The following SORCS2 variants were observed in gnomAD, a reference collection of about 807,000 sequenced individuals.
SORCS2 encodes the protein VPS10 domain-containing receptor SorCS2.
SORCS2 carries 100 observed loss-of-function variants against 141.6 expected under a neutral mutation model. The ratio of observed to expected loss-of-function variants is 0.71; its 90% confidence interval spans 0.60 to 0.83. The LOEUF (loss-of-function observed/expected upper bound fraction) is 0.83, where lower values mean the gene tolerates loss of function less well. SORCS2 is among the 40% of genes least tolerant of loss of function. The pLI, the probability that SORCS2 is intolerant of heterozygous loss-of-function variation, is 0.00. For synonymous variants in SORCS2, 789 were observed against 676.9 expected, an observed-to-expected ratio of 1.17 and a Z score of -2.57; for missense variants, 1,646 against 1,560.2, an observed-to-expected ratio of 1.05 and a Z score of -0.93.
rs1402661211 is a variant in SORCS2, at chr4:7,714,371, G to A, written c.2121G>A (p.Leu707=). ...RVCECRDSDF[L]CDYGFERSSS... ...GCGAGTGCCGGGACTCGGACTTCCT[G>A]TGGTGAGCGACGGGCTCCTGGCCAC... Residue 707 remains leucine (L), a splice_region_variant and synonymous_variant, in exon 16 of 27, where the codon CTG becomes CTA. Transcript: ENST00000507866. 21 of 1,551,998 alleles carry A rather than the reference G, an allele frequency of 1.4e-5. No individual in the cohort carries two copies. Among genetic ancestry groups the A allele is most frequent in the East Asian group, 2.4e-5 (1 of 40,980 alleles).
chr4:7,208,745 G>A (rs1727889098), intron 1 of SORCS2, among the ~76,000 whole-genome samples: 1 of 152,176 alleles, frequency 6.6e-6, no homozygotes, highest in Non-Finnish European at 1.5e-5. Flanking sequence ...TGCTCACCAG[G>A]CACCCCTCTC....
intron 25 of SORCS2, among the ~76,000 whole-genome samples, chr4:7,734,576 G>A (rs190279840): frequency 4.9e-4 from 74 of 152,170 alleles, no homozygotes; most frequent in East Asian, 5.8e-4. Context: ...AGAGACGGCC[G>A]CCACTCGCAA....
chr4:7,580,612 A>G (rs1297026493), intron 3 of SORCS2, among the ~76,000 whole-genome samples: 1 of 152,246 alleles, frequency 6.6e-6, no homozygotes, highest in Non-Finnish European at 1.5e-5. Context: ...ATATTCTTAC[A>G]GTAACAACAC....
At chr4:7,424,447 C>A (rs971547054) in intron 2 of SORCS2, among the ~76,000 whole-genome samples, 3 of 152,206 alleles carry the variant, frequency 2.0e-5, no homozygotes, top group South Asian at 2.1e-4. Context: ...CCAGTGTGAA[C>A]GCTGTGCCCA....
intron 2 of SORCS2, among the ~76,000 whole-genome samples, chr4:7,414,678 G>C (rs1725546229): frequency 6.6e-6 from 1 of 152,210 alleles, no homozygotes; most frequent in African/African-American, 2.4e-5. Context: ...AATGGTTACA[G>C]AGTGATAAAC....
At chr4:7,704,890 G>C (rs1057271402) in intron 14 of SORCS2, among the ~76,000 whole-genome samples, 1 of 152,192 alleles carries the variant, frequency 6.6e-6, no homozygotes, top group African/African-American at 2.4e-5. Flanking sequence ...GAGCCCAGCT[G>C]ATTCACAGGC....
chr4:7,640,713 C>A (rs535422127), intron 4 of SORCS2, among the ~76,000 whole-genome samples: 1 of 152,006 alleles, frequency 6.6e-6, no homozygotes, highest in South Asian at 2.1e-4. Context: ...GACATAGATA[C>A]ATTTTGGGGG....
intron 3 of SORCS2, among the ~76,000 whole-genome samples, chr4:7,590,866 G>T (rs2108774558): frequency 6.6e-6 from 1 of 152,368 alleles, no homozygotes; most frequent in East Asian, 1.9e-4. Flanking sequence ...CACTGAGGTT[G>T]TGGTTATTTG....
chr4:7,508,929 C>T lies in SORCS2; in HGVS notation c.549-22601C>T, dbSNP rs184866109. 4.9e-3 allele frequency among the ~76,000 whole-genome samples: 752 copies of T among 152,160 alleles called. 5 individuals are homozygous for T. The highest frequency in any genetic ancestry group is 0.017 in the African/African-American group (704 of 41,424). On this transcript the variant is annotated intron_variant, in intron 2 of 26. Coordinates refer to ENST00000507866, the MANE Select transcript of SORCS2 (RefSeq NM_020777.3). ...AGAAGTTCTGGAGGGGGCCCGGCTG[C>T]AAGCTGCTTTCCCTGGGGACAAGGG...
intron 2 of SORCS2, among the ~76,000 whole-genome samples, chr4:7,445,265 G>A (rs1166173345): frequency 1.3e-5 from 2 of 152,208 alleles, no homozygotes; most frequent in African/African-American, 4.8e-5. Context: ...GACCTGAGGA[G>A]CAAGTACAGA....
chr4:7,599,714 G>A (rs1717527424), intron 3 of SORCS2, among the ~76,000 whole-genome samples: 1 of 152,172 alleles, frequency 6.6e-6, no homozygotes, highest in African/African-American at 2.4e-5. Flanking sequence ...TGGATGACGA[G>A]GGGCTGTGAG....
intron 22 of SORCS2, 37 bp downstream of exon 22, chr4:7,728,499 G>A (rs747265588): frequency 3.2e-5 from 48 of 1,488,674 alleles, no homozygotes; most frequent in East Asian, 9.7e-5. Flanking sequence ...CCAGCCCCAC[G>A]GTGCTTCCGG....
At chr4:7,477,906 G>T in intron 2 of SORCS2, among the ~76,000 whole-genome samples, 1 of 152,200 alleles carries the variant, frequency 6.6e-6, no homozygotes. Flanking sequence ...ATTTCACAGT[G>T]AGGTAAACTG....
chr4:7,212,530 G>C (rs1331620537), intron 1 of SORCS2, among the ~76,000 whole-genome samples: 1 of 152,220 alleles, frequency 6.6e-6, no homozygotes, highest in African/African-American at 2.4e-5. Flanking sequence ...TTGGTTCCTT[G>C]TCTGTCTCCA....
At position 7,412,025 on chromosome 4, in the gene SORCS2, C is replaced by T. The variant is rs575153649; in HGVS notation, c.548+15670C>T. Among the ~76,000 whole-genome samples the T allele has an allele frequency of 1.1e-4, 16 of 152,354 alleles. No homozygotes were observed. The East Asian group carries it at 2.3e-3, about 22-fold the overall frequency. On this transcript the variant is annotated intron_variant, in intron 2 of 26. Coordinates refer to ENST00000507866, the MANE Select transcript of SORCS2 (RefSeq NM_020777.3). ...GCCAAGGTCTATCAAGTCTGTGCAGCAGATGCCAGCCATCCTTCTGTAATC... is the reference window on the plus strand; with the variant it reads ...GCCAAGGTCTATCAAGTCTGTGCAGTAGATGCCAGCCATCCTTCTGTAATC...
At chr4:7,239,053 A>G (rs1274432789) in intron 1 of SORCS2, among the ~76,000 whole-genome samples, 1 of 152,218 alleles carries the variant, frequency 6.6e-6, no homozygotes, top group Non-Finnish European at 1.5e-5. Flanking sequence ...CACTGGACTC[A>G]GCAGGAGACT....
intron 2 of SORCS2, among the ~76,000 whole-genome samples, chr4:7,446,329 G>A (rs975927776): frequency 1.3e-5 from 2 of 152,188 alleles, no homozygotes; most frequent in African/African-American, 4.8e-5. Context: ...TTTCAGCACC[G>A]CCCCTGCCAT....
intron 3 of SORCS2, among the ~76,000 whole-genome samples, chr4:7,542,042 G>A (rs1712715287): frequency 6.6e-6 from 1 of 152,208 alleles, no homozygotes; most frequent in African/African-American, 2.4e-5. Context: ...TGAGGGCAAG[G>A]CAATTGCCCA....
chr4:7,432,450 A>G (rs1238775981), intron 2 of SORCS2: 1 of 152,036 alleles, frequency 6.6e-6, no homozygotes, highest in Non-Finnish European at 1.5e-5. Flanking sequence ...CCCATTCTAC[A>G]GATTAGAAAA....
Sources: gnomAD v4.1 joint callset for allele counts (sites outside exome capture counted in the v4.1 genomes callset) on GRCh38, gnomAD v4.1.1 for gene constraint, MANE v1.5 for transcripts, NCBI Gene and HGNC (gene_info 2026-07-23, HGNC 2026-07-21) for gene names.